Variants in CTNNA3 observed in about 807,000 individuals in gnomAD.
CTNNA3 encodes catenin alpha-3.
Under a neutral mutation model 95.7 loss-of-function variants are expected in CTNNA3, and 76 were observed. The observed-to-expected ratio is 0.79, with a 90% confidence interval of 0.66 to 0.96. The LOEUF is 0.96. Among genes scored for constraint, CTNNA3 ranks in the 40% least tolerant of loss-of-function variants. CTNNA3 has a pLI of 0.00. For missense variants in CTNNA3, 1,191 were observed against 1,089.8 expected, an observed-to-expected ratio of 1.09 and a Z score of -1.31; for synonymous variants, 431 against 374.4, an observed-to-expected ratio of 1.15 and a Z score of -1.74.
chr10:66,757,294 T>TCATTTCAAAATTC (rs1839400762), intron 9 of CTNNA3, among the ~76,000 whole-genome samples: 1 of 152,152 alleles, frequency 6.6e-6, no homozygotes, highest in Non-Finnish European at 1.5e-5. Flanking sequence ...AAATGCATTT[T>TCATTTCAAAATTC]AGATTAGGAA....
At chr10:66,367,865 AATAATAATAATAATAATTATTATT>A (rs1476930115) in intron 12 of CTNNA3, among the ~76,000 whole-genome samples, 94 of 51,414 alleles carry the variant, frequency 1.8e-3, no homozygotes, top group East Asian at 9.3e-3. Context: ...TAATAATAAT[AATAATAATAATAATAATTATTATT>A]ATTATTATTA....
intron 10 of CTNNA3, among the ~76,000 whole-genome samples, chr10:66,576,291 T>C (rs772973849): frequency 8.5e-5 from 13 of 152,128 alleles, no homozygotes; most frequent in Non-Finnish European, 1.5e-4. Flanking sequence ...CTGAATTTTA[T>C]AAACATCCCA....
At chr10:67,105,952 A>C (rs974326342) in intron 7 of CTNNA3, among the ~76,000 whole-genome samples, 11 of 152,206 alleles carry the variant, frequency 7.2e-5, no homozygotes, top group Admixed American at 7.2e-4. Context: ...TGTATTGGAC[A>C]TCCTTCAAAA....
chr10:66,942,516 C>T (rs1474410363), intron 7 of CTNNA3, among the ~76,000 whole-genome samples: 2 of 151,676 alleles, frequency 1.3e-5, no homozygotes, highest in African/African-American at 4.8e-5. Context: ...TTCCATTATC[C>T]TACAAATCTC....
chr10:66,630,229 T>C (rs938802328), intron 9 of CTNNA3, among the ~76,000 whole-genome samples: 2 of 151,962 alleles, frequency 1.3e-5, no homozygotes, highest in Non-Finnish European at 2.9e-5. Context: ...AGATGACAAA[T>C]AGAAGAAAAA....
chr10:67,145,471 C>A (rs1156272000), intron 7 of CTNNA3, among the ~76,000 whole-genome samples: 2 of 151,092 alleles, frequency 1.3e-5, no homozygotes, highest in East Asian at 3.9e-4. Flanking sequence ...CAGTTTGTCA[C>A]CCAGGCTGAA....
intron 7 of CTNNA3, among the ~76,000 whole-genome samples, chr10:66,809,123 T>C (rs1841775386): frequency 6.6e-6 from 1 of 152,140 alleles, no homozygotes; most frequent in Non-Finnish European, 1.5e-5. Context: ...GCTGACATCA[T>C]TTGGAAATTC....
chr10:66,599,120 A>G (rs1191315282), intron 10 of CTNNA3, among the ~76,000 whole-genome samples: 2 of 152,074 alleles, frequency 1.3e-5, no homozygotes, highest in Admixed American at 6.6e-5. Flanking sequence ...TAAAAGCTTG[A>G]GAAAGCTACA....
intron 7 of CTNNA3, among the ~76,000 whole-genome samples, chr10:66,785,895 C>T (rs1840721169): frequency 6.6e-6 from 1 of 152,138 alleles, no homozygotes; most frequent in Non-Finnish European, 1.5e-5. Flanking sequence ...CCCCAACCCC[C>T]AGATATCACA....
chr10:66,079,339 G>A (rs74508927), intron 14 of CTNNA3: 1 of 151,982 alleles, frequency 6.6e-6, no homozygotes, highest in African/African-American at 2.4e-5. Flanking sequence ...AATACAATTA[G>A]AAAACCAATT....
rs559311802 is a variant in CTNNA3, at chr10:67,483,767, A to G, written c.579+38075T>C. 3.7e-3 allele frequency among the ~76,000 whole-genome samples: 534 copies of G among 146,006 alleles called. 8 individuals are homozygous for G. The highest frequency in any genetic ancestry group is 0.014 in the African/African-American group (513 of 37,364). On this transcript the variant is annotated intron_variant, in intron 5 of 17. Coordinates refer to ENST00000433211, the MANE Select transcript of CTNNA3 (RefSeq NM_013266.4). ...AAAACTTAAAGTATAATAATAAAAA[A>G]ATAAAAATTAAAAAAAAAAACAAAA...
intron 1 of CTNNA3, among the ~76,000 whole-genome samples, chr10:67,701,697 C>A (rs570357567): frequency 1.2e-3 from 184 of 152,278 alleles, no homozygotes; most frequent in Non-Finnish European, 2.1e-3. Context: ...ACCATCGAGG[C>A]TAGGAAGAAA....
At chr10:66,411,979 T>C (rs2093109048) in intron 11 of CTNNA3, among the ~76,000 whole-genome samples, 1 of 152,138 alleles carries the variant, frequency 6.6e-6, no homozygotes, top group Non-Finnish European at 1.5e-5. Context: ...CCTATCCCCA[T>C]CTCCGTCAGT....
chr10:67,154,169 T>A (rs1047315073), intron 7 of CTNNA3, among the ~76,000 whole-genome samples: 3 of 152,212 alleles, frequency 2.0e-5, no homozygotes, highest in Non-Finnish European at 4.4e-5. Flanking sequence ...AATTTAGGAA[T>A]GTTTTATAAC....
At chr10:65,989,171 C>T (rs993619821) in intron 15 of CTNNA3, among the ~76,000 whole-genome samples, 14 of 152,186 alleles carry the variant, frequency 9.2e-5, no homozygotes, top group Admixed American at 3.3e-4. Context: ...GATTTATTGA[C>T]CTCGTGATCC....
rs1842756033 is a variant in CTNNA3 at position 66,832,520 on chromosome 10, A to C, written c.1048-56996T>G. On this transcript the variant is annotated intron_variant, in intron 7 of 17. Transcript: ENST00000433211. ...TTTACTAAGCCAACAAAATTAAATT[A>C]ATGCCACAATCACTGAGAAAATAAA... 2.0e-5 allele frequency among the ~76,000 whole-genome samples: 3 copies of C among 152,300 alleles called. No homozygotes were observed. The South Asian group carries it at 6.2e-4, about 32-fold the overall frequency.
chr10:66,836,597 G>T lies in CTNNA3; in HGVS notation c.1048-61073C>A, dbSNP rs575712672. On this transcript the variant is annotated intron_variant, in intron 7 of 17. Transcript: ENST00000433211. Reference sequence around the variant, plus strand: ...CGAGTCCTGCAGTGGGGCTCCTAAAGTAAAATATAAGTGATTCCATCTGAG... The same window carrying T: ...CGAGTCCTGCAGTGGGGCTCCTAAATTAAAATATAAGTGATTCCATCTGAG... Among the ~76,000 whole-genome samples, 3 of 152,218 alleles carry T rather than the reference G, an allele frequency of 2.0e-5. No individual in the cohort carries two copies. The South Asian group carries it at 6.2e-4, about 32-fold the overall frequency.
chr10:66,639,804 T>C (rs180955380), intron 9 of CTNNA3, among the ~76,000 whole-genome samples: 1 of 152,304 alleles, frequency 6.6e-6, no homozygotes, highest in Admixed American at 6.5e-5. Flanking sequence ...TAAGTATGCA[T>C]GTAAAGCTAA....
Position 66,879,035 on chromosome 10 carries a change from C to A in CTNNA3, c.1048-103511G>T, listed in dbSNP as rs111671954. On this transcript the variant is annotated intron_variant, in intron 7 of 17. Transcript: ENST00000433211. Reference sequence around the variant, plus strand: ...TTGTCATTTCATCATCTCAACAATTCTGTGATAGAGGTAGTTATTCTTACC... The same window carrying A: ...TTGTCATTTCATCATCTCAACAATTATGTGATAGAGGTAGTTATTCTTACC... 2.2e-3 allele frequency among the ~76,000 whole-genome samples: 333 copies of A among 152,184 alleles called. 3 individuals carry two copies. The highest frequency in any genetic ancestry group is 7.6e-3 in the African/African-American group (315 of 41,520).
Sources: gnomAD v4.1 joint callset for allele counts (sites outside exome capture counted in the v4.1 genomes callset) on GRCh38, gnomAD v4.1.1 for gene constraint, MANE v1.5 for transcripts, NCBI Gene and HGNC (gene_info 2026-07-23, HGNC 2026-07-21) for gene names.